NOX4: variants seen among roughly 807,000 people sequenced by gnomAD.
NOX4 encodes the protein kidney oxidase-1.
NOX4 carries 69 observed loss-of-function variants against 87.6 expected under a neutral mutation model. The observed-to-expected ratio is 0.79, with a 90% CI of 0.65 to 0.96. The LOEUF (loss-of-function observed/expected upper bound fraction) is 0.96. Among genes scored for constraint, NOX4 ranks in the 40% least tolerant of loss-of-function variants. The pLI is 0.00. For missense variants in NOX4, 680 were observed against 681.5 expected (o/e 1.00, Z 0.02); for synonymous variants, 275 against 238.2 (o/e 1.15, Z -1.42).
rs1366627416 is a variant in NOX4 at position 89,337,535 on chromosome 11, A to G, written c.1447-20T>C. Reference sequence around the variant, plus strand: ...CCAAAACTGAGAGGACAGAAAAAGGAATAGACTTATTACAATTCTGTGGGT... The same window carrying G: ...CCAAAACTGAGAGGACAGAAAAAGGGATAGACTTATTACAATTCTGTGGGT... On this transcript the variant is annotated intron_variant, in intron 15 of 17. Coordinates refer to ENST00000263317, the MANE Select transcript of NOX4 (RefSeq NM_016931.5). The G allele has an allele frequency of 7.5e-6, 12 of 1,609,664 alleles. No individual in the cohort carries two copies. Among genetic ancestry groups the G allele is most frequent in the Non-Finnish European group, 9.3e-6 (11 of 1,177,302 alleles).
chr11:89,423,873 T>C (rs953565629), intron 7 of NOX4, among the ~76,000 whole-genome samples: 4 of 151,792 alleles, frequency 2.6e-5, no homozygotes, highest in Non-Finnish European at 5.9e-5. Flanking sequence ...GGAAAACATA[T>C]TGAAACCTTG....
chr11:89,416,318 C>G (rs1336602230), intron 8 of NOX4, among the ~76,000 whole-genome samples: 1 of 152,124 alleles, frequency 6.6e-6, no homozygotes, highest in South Asian at 2.1e-4. Context: ...GCCTTCCATT[C>G]AAAATGCAAT....
chr11:89,516,280 C>A, the NOX4 span, among the ~76,000 whole-genome samples: 3 of 152,002 alleles, frequency 2.0e-5, no homozygotes, highest in African/African-American at 4.8e-5. Context: ...AGTCCTATAT[C>A]TTTTAAGAGA....
At chr11:89,511,806 G>C in the NOX4 span, among the ~76,000 whole-genome samples, 1 of 151,980 alleles carries the variant, frequency 6.6e-6, no homozygotes, top group African/African-American at 2.4e-5. Context: ...CCAAAGAGAA[G>C]AGCCACTCTC....
At chr11:89,513,001 T>C in the NOX4 span, among the ~76,000 whole-genome samples, 4 of 152,200 alleles carry the variant, frequency 2.6e-5, no homozygotes, top group East Asian at 1.9e-4. Context: ...TGGAGGAATA[T>C]TTGTGAAACT....
intron 11 of NOX4, among the ~76,000 whole-genome samples, chr11:89,377,982 C>A (rs1053660585): frequency 1.3e-5 from 2 of 152,120 alleles, no homozygotes; most frequent in African/African-American, 2.4e-5. Flanking sequence ...GGAAATAGAA[C>A]CTACATCCTT....
At chr11:89,564,261 T>C in the NOX4 span, among the ~76,000 whole-genome samples, 1 of 152,100 alleles carries the variant, frequency 6.6e-6, no homozygotes, top group Non-Finnish European at 1.5e-5. Flanking sequence ...CTGCAGGCTA[T>C]ACAAGGAGCG....
At chr11:89,462,268 T>C (rs1022901882) in intron 2 of NOX4, among the ~76,000 whole-genome samples, 1 of 152,052 alleles carries the variant, frequency 6.6e-6, no homozygotes, top group African/African-American at 2.4e-5. Flanking sequence ...TGTAGGGAGA[T>C]TTAATATTGT....
chr11:89,511,720 G>C, the NOX4 span, among the ~76,000 whole-genome samples: 1 of 146,204 alleles, frequency 6.8e-6, no homozygotes, highest in Non-Finnish European at 1.5e-5. Flanking sequence ...GTATTTAAGG[G>C]TTTAGAATCA....
intron 11 of NOX4, among the ~76,000 whole-genome samples, chr11:89,374,544 A>C (rs1939690018): frequency 6.6e-6 from 1 of 152,164 alleles, no homozygotes; most frequent in Non-Finnish European, 1.5e-5. Context: ...AACTTTACAG[A>C]GTTGTCTTTT....
chr11:89,496,760 A>G (rs1300507709), upstream of NOX4, among the ~76,000 whole-genome samples: 1 of 152,184 alleles, frequency 6.6e-6, no homozygotes, highest in Non-Finnish European at 1.5e-5. Flanking sequence ...GACTGCCTTC[A>G]GCTTCCAAAG....
chr11:89,403,650 G>A (rs1942002090), intron 8 of NOX4, among the ~76,000 whole-genome samples: 1 of 152,264 alleles, frequency 6.6e-6, no homozygotes, highest in South Asian at 2.1e-4. Context: ...GCTGAGGCAG[G>A]AGAATTGCTT....
chr11:89,477,063 G>A lies in NOX4; in HGVS notation c.153+13395C>T, dbSNP rs111454538. 9.2e-4 allele frequency among the ~76,000 whole-genome samples: 140 copies of A among 152,258 alleles called. 1 individual carries two copies. The highest frequency in any genetic ancestry group is 3.9e-3 in the Admixed American group (60 of 15,286). ...CAATTTTTCCAGATTGGTGGAGGGG[G>A]CAGTGGTGGTTTTGGGATGATTCAA... On this transcript the variant is annotated intron_variant, in intron 2 of 17. Transcript: ENST00000263317.
chr11:89,360,070 A>G (rs1591018278), intron 12 of NOX4, among the ~76,000 whole-genome samples: 1 of 152,060 alleles, frequency 6.6e-6, no homozygotes, highest in Non-Finnish European at 1.5e-5. Flanking sequence ...TAACCTATTA[A>G]TAGTATTAGA....
At chr11:89,413,305 T>C (rs755400161) in intron 8 of NOX4, among the ~76,000 whole-genome samples, 9 of 152,142 alleles carry the variant, frequency 5.9e-5, no homozygotes, top group African/African-American at 1.4e-4. Context: ...AACTACCATA[T>C]GACCCAGCAA....
intron 4 of NOX4, 37 bp downstream of exon 4, chr11:89,449,403 T>C (rs375937537): frequency 1.4e-6 from 2 of 1,442,356 alleles, no homozygotes; most frequent in Non-Finnish European, 1.9e-6. Flanking sequence ...AAATGTGTAA[T>C]TCTAACAAAT....
intron 8 of NOX4, among the ~76,000 whole-genome samples, chr11:89,414,632 G>C (rs1942664208): frequency 7.0e-6 from 1 of 143,548 alleles, no homozygotes; most frequent in Non-Finnish European, 1.5e-5. Flanking sequence ...TTTATTATTA[G>C]ATTTATTATA....
Position 89,490,343 on chromosome 11 carries a change from G to A in NOX4, c.153+115C>T, listed in dbSNP as rs149936610. On this transcript the variant is annotated intron_variant, in intron 2 of 17. Transcript: ENST00000263317. ...TGTGACCACTTTAGAGAACAACAAA[G>A]GTTTTCAAAGTGAAGAGTGCACATT... The A allele has an allele frequency of 2.1e-4, 149 of 715,638 alleles. No individual in the cohort carries two copies. In the East Asian group the frequency reaches 3.0e-3, roughly 14 times the overall value. The allele number at this position is 715,638 out of a possible 1,614,324, so 44.3% of individuals were successfully genotyped here.
At chr11:89,582,213 A>G in the NOX4 span, among the ~76,000 whole-genome samples, 1 of 152,116 alleles carries the variant, frequency 6.6e-6, no homozygotes, top group Admixed American at 6.6e-5. Context: ...AGGCTGAGTA[A>G]TATTCCATTT....
Sources: gnomAD v4.1 joint callset for allele counts (sites outside exome capture counted in the v4.1 genomes callset) on GRCh38, gnomAD v4.1.1 for gene constraint, MANE v1.5 for transcripts, NCBI Gene and HGNC (gene_info 2026-07-23, HGNC 2026-07-21) for gene names.